Variants in PLCH1 observed in about 807,000 individuals in gnomAD.
PLCH1 encodes 1-phosphatidylinositol 4,5-bisphosphate phosphodiesterase eta-1.
Under a neutral mutation model 126.7 loss-of-function variants are expected in PLCH1, and 60 were observed. The ratio of observed to expected loss-of-function variants is 0.47; its 90% CI spans 0.38 to 0.59. The LOEUF (loss-of-function observed/expected upper bound fraction) is 0.59. PLCH1 is among the 20% of genes least tolerant of loss of function. The pLI, the probability that PLCH1 is intolerant of heterozygous loss-of-function variation, is 0.00. For synonymous variants in PLCH1, 719 were observed against 734.9 expected, an observed-to-expected ratio of 0.98 and a Z score of 0.35; for missense variants, 1,723 against 2,040.0, an observed-to-expected ratio of 0.84 and a Z score of 2.99.
At chr3:155,550,021 A>C in intron 9 of PLCH1, 63 bp from the exon 10 acceptor site, 2 of 1,217,580 alleles carry the variant, frequency 1.6e-6, no homozygotes, top group Non-Finnish European at 2.4e-6. Flanking sequence ...GACTTTTGAA[A>C]ATGATTCAGT....
chr3:155,483,283 T>C, intron 22 of PLCH1: 1 of 1,091,688 alleles, frequency 9.2e-7, no homozygotes, highest in Non-Finnish European at 1.3e-6. Flanking sequence ...TTACATCTGC[T>C]AAGGATGTAA....
chr3:155,643,848 G>A (rs1739694227), intron 2 of PLCH1, among the ~76,000 whole-genome samples: 1 of 152,152 alleles, frequency 6.6e-6, no homozygotes, highest in Non-Finnish European at 1.5e-5. Flanking sequence ...AAGAATGAGT[G>A]GCAACCAAGT....
chr3:155,534,755 C>G (rs747258812), intron 10 of PLCH1, among the ~76,000 whole-genome samples: 6 of 152,056 alleles, frequency 3.9e-5, no homozygotes, highest in Non-Finnish European at 7.4e-5. Context: ...GGGCAGTTTC[C>G]CCATGCTGTT....
chr3:155,701,323 T>C (rs1559948053), intron 2 of PLCH1, among the ~76,000 whole-genome samples: 2 of 152,196 alleles, frequency 1.3e-5, no homozygotes, highest in Non-Finnish European at 1.5e-5. Flanking sequence ...GAATATGGTT[T>C]ATGAACTGTG....
chr3:155,661,019 C>T (rs1030287532), intron 2 of PLCH1, among the ~76,000 whole-genome samples: 3 of 152,186 alleles, frequency 2.0e-5, no homozygotes, highest in East Asian at 1.9e-4. Flanking sequence ...GAAGTATTGT[C>T]CTCTGCCAAA....
rs558212371 is a variant in PLCH1, at chr3:155,574,151, G to A, written c.772-5827C>T. On this transcript the variant is annotated intron_variant, in intron 6 of 22. Coordinates refer to ENST00000460012, the MANE Select transcript of PLCH1 (RefSeq NM_014996.4). ...GCTGGTCTCAAACTCCTGACCTCAA[G>A]TGATCTGCCTGCCTCGGCCTCCCAA... Among the ~76,000 whole-genome samples, 3 of 152,250 alleles carry A rather than the reference G, an allele frequency of 2.0e-5. No homozygotes were observed. The East Asian group carries it at 5.8e-4, about 29-fold the overall frequency.
intron 12 of PLCH1, among the ~76,000 whole-genome samples, chr3:155,510,720 G>T: frequency 9.8e-6 from 1 of 101,620 alleles, no homozygotes; most frequent in African/African-American, 5.7e-5. Flanking sequence ...TCTGCCGAGA[G>T]ATCCGCTGTT....
intron 2 of PLCH1, among the ~76,000 whole-genome samples, chr3:155,672,419 T>G (rs1399865167): frequency 2.0e-5 from 3 of 152,176 alleles, no homozygotes; most frequent in Non-Finnish European, 2.9e-5. Flanking sequence ...TATCACCTTC[T>G]TCATTAAATA....
chr3:155,674,691 A>C lies in PLCH1; in HGVS notation c.79+29455T>G, dbSNP rs533676702. 1.1e-4 allele frequency among the ~76,000 whole-genome samples: 17 copies of C among 152,328 alleles called. No homozygotes were observed. In the South Asian group the frequency reaches 3.5e-3, roughly 32 times the overall value. ...GAAAAATCTCTGGTAAGACATCTGT[A>C]TGTGAAAACATCTACCTTGAAACAA... On this transcript the variant is annotated intron_variant, in intron 2 of 22. Coordinates refer to ENST00000460012, the MANE Select transcript of PLCH1 (RefSeq NM_014996.4).
intron 10 of PLCH1, among the ~76,000 whole-genome samples, chr3:155,543,417 G>A (rs1401527680): frequency 2.6e-5 from 4 of 152,182 alleles, no homozygotes; most frequent in African/African-American, 9.7e-5. Context: ...TCTGATTGGT[G>A]TACCTGAAAG....
chr3:155,518,106 G>T (rs1035031819), intron 11 of PLCH1, among the ~76,000 whole-genome samples: 2 of 152,172 alleles, frequency 1.3e-5, no homozygotes, highest in African/African-American at 4.8e-5. Context: ...ACGTGGGGTG[G>T]AGTAGACAGT....
chr3:155,565,748 T>A (rs1728274689), intron 7 of PLCH1, among the ~76,000 whole-genome samples: 1 of 150,776 alleles, frequency 6.6e-6, no homozygotes, highest in South Asian at 2.1e-4. Flanking sequence ...CAGGCTGGAG[T>A]GCAATGGCAC....
chr3:155,653,130 T>C (rs145663369), intron 2 of PLCH1, among the ~76,000 whole-genome samples: 1 of 19,824 alleles, frequency 5.0e-5, no homozygotes, highest in Non-Finnish European at 7.5e-5. Context: ...TAGATATAGA[T>C]ATAGATATAG....
chr3:155,475,001 G>A (rs1713469774), downstream of PLCH1, among the ~76,000 whole-genome samples: 2 of 143,178 alleles, frequency 1.4e-5, no homozygotes, highest in African/African-American at 2.6e-5. Context: ...TGGGTGCAGT[G>A]CACCAGCATG....
chr3:155,453,800 G>A (rs1322111220), intron 21 of PLCH1, among the ~76,000 whole-genome samples: 1 of 150,948 alleles, frequency 6.6e-6, no homozygotes, highest in Non-Finnish European at 1.5e-5. Context: ...TTATAAATAT[G>A]TATTTATCTA....
intron 11 of PLCH1, among the ~76,000 whole-genome samples, chr3:155,516,182 C>T (rs12637360): frequency 0.2 from 30,246 of 152,116 alleles, 3,723 homozygotes; most frequent in East Asian, 0.41. Context: ...AGGGAACACC[C>T]TCCTGTCATG....
At chr3:155,694,756 A>T (rs892001962) in intron 2 of PLCH1, among the ~76,000 whole-genome samples, 7 of 152,132 alleles carry the variant, frequency 4.6e-5, no homozygotes, top group Non-Finnish European at 8.8e-5. Context: ...TGCTACCTAT[A>T]AGTCAGGAAT....
At chr3:155,537,947 T>G (rs983117396) in intron 10 of PLCH1, among the ~76,000 whole-genome samples, 2 of 152,104 alleles carry the variant, frequency 1.3e-5, no homozygotes, top group Admixed American at 1.3e-4. Flanking sequence ...AGAATATATA[T>G]TCTATTAATT....
intron 8 of PLCH1, among the ~76,000 whole-genome samples, chr3:155,560,476 C>T (rs1219254333): frequency 6.6e-6 from 1 of 152,166 alleles, no homozygotes; most frequent in Non-Finnish European, 1.5e-5. Context: ...GGTATGTACT[C>T]TCTGCAACTA....
Sources: allele counts gnomAD v4.1 joint callset (sites outside exome capture counted in the v4.1 genomes callset), GRCh38; gene constraint gnomAD v4.1.1; transcripts MANE v1.5; gene names NCBI Gene and HGNC (gene_info 2026-07-23, HGNC 2026-07-21).